Variants in ELAPOR2 observed in about 807,000 individuals in gnomAD.
The protein encoded by ELAPOR2 is endosome/lysosome-associated apoptosis and autophagy regulator family member 2.
In ELAPOR2, 89 loss-of-function variants were observed where a neutral mutation model predicts 120.7. The observed-to-expected ratio is 0.74, with a 90% CI of 0.62 to 0.88. The LOEUF (loss-of-function observed/expected upper bound fraction) is 0.88. Ranked by LOEUF, ELAPOR2 falls within the 40% of genes least tolerant of loss-of-function variation. The pLI is 0.00. For synonymous variants in ELAPOR2, 444 were observed against 444.9 expected, an observed-to-expected ratio of 1.00 and a Z score of 0.03; for missense variants, 1,134 against 1,251.6, an observed-to-expected ratio of 0.91 and a Z score of 1.42.
chr7:86,894,090 A>T (rs1788326036), intron 19 of ELAPOR2, among the ~76,000 whole-genome samples: 1 of 152,130 alleles, frequency 6.6e-6, no homozygotes, highest in Non-Finnish European at 1.5e-5. Context: ...AAATACACAA[A>T]CAATTTTGCA....
At chr7:87,029,600 T>G (rs1794362865) in intron 1 of ELAPOR2, among the ~76,000 whole-genome samples, 1 of 152,304 alleles carries the variant, frequency 6.6e-6, no homozygotes, top group Non-Finnish European at 1.5e-5. Flanking sequence ...AAACAAAGGT[T>G]GTAGGTAAGA....
intron 1 of ELAPOR2, among the ~76,000 whole-genome samples, chr7:86,965,374 A>G (rs144001423): frequency 8.6e-4 from 131 of 152,332 alleles, no homozygotes; most frequent in Non-Finnish European, 1.4e-3. Context: ...GCAAAATAAC[A>G]CTAGGAATTT....
At chr7:87,029,658 AGGTGTTAT>A (rs762186600) in intron 1 of ELAPOR2, among the ~76,000 whole-genome samples, 30 of 152,192 alleles carry the variant, frequency 2.0e-4, no homozygotes, top group Non-Finnish European at 4.3e-4. Flanking sequence ...GGTTTTCCAT[AGGTGTTAT>A]GGCAGGTGAT....
At chr7:86,901,272 C>T (rs993274194) in intron 18 of ELAPOR2, among the ~76,000 whole-genome samples, 1 of 152,126 alleles carries the variant, frequency 6.6e-6, no homozygotes, top group Non-Finnish European at 1.5e-5. Flanking sequence ...TCTGGGATTG[C>T]CTTATGAATC....
chr7:86,928,709 T>C (rs958909342), intron 8 of ELAPOR2, among the ~76,000 whole-genome samples: 1 of 151,928 alleles, frequency 6.6e-6, no homozygotes, highest in African/African-American at 2.4e-5. Context: ...AATATGCAAA[T>C]ATATTGTGAG....
chr7:87,044,922 ACAACCCCAT>A (rs1794901704), intron 1 of ELAPOR2, among the ~76,000 whole-genome samples: 1 of 147,824 alleles, frequency 6.8e-6, no homozygotes, highest in African/African-American at 2.6e-5. Context: ...AAAAAAACAA[ACAACCCCAT>A]CAAAAAGTGG....
intron 1 of ELAPOR2, among the ~76,000 whole-genome samples, chr7:87,025,823 G>T (rs1794224861): frequency 6.6e-6 from 1 of 151,858 alleles, no homozygotes; most frequent in African/African-American, 2.4e-5. Flanking sequence ...CAACATGTTA[G>T]ACATATGTTA....
intron 1 of ELAPOR2, among the ~76,000 whole-genome samples, chr7:87,015,002 G>GA (rs911911470): frequency 1.1e-4 from 16 of 148,158 alleles, no homozygotes; most frequent in Admixed American, 6.7e-4. Context: ...AAAGCTGGTA[G>GA]AAAAAAAAAG....
At position 86,913,060 on chromosome 7, in the gene ELAPOR2, A is replaced by G. The variant is rs1473085103; in HGVS notation, c.1876T>C (p.Tyr626His). 5.0e-6 allele frequency: 8 copies of G among 1,614,076 alleles called. No individual in the cohort carries two copies. The highest frequency in any genetic ancestry group is 6.8e-6 in the Non-Finnish European group (8 of 1,179,998). ...CACTGGTTGGTTTCTTTCTCAATGT[A>G]GTGGCCTGGAGGGCAGGGGACACAC... ...SSCVPCPPGH[Y>H]IEKETNQCKE... The change falls in exon 14 of 22, where the codon TAC (tyrosine) becomes CAC (histidine). Residue 626 changes from tyrosine to histidine, a missense_variant. This residue lies in a region of ELAPOR2 where 831 missense variants were observed against 867.6 expected (regional missense o/e 0.96). Transcript: ENST00000450689.
At chr7:87,051,531 A>G (rs753510023) in intron 1 of ELAPOR2, among the ~76,000 whole-genome samples, 7 of 152,244 alleles carry the variant, frequency 4.6e-5, no homozygotes, top group Non-Finnish European at 7.3e-5. Context: ...TTTCAAATGC[A>G]TTAGCTTGAT....
chr7:87,002,278 G>T (rs750673485), intron 1 of ELAPOR2, among the ~76,000 whole-genome samples: 3 of 152,158 alleles, frequency 2.0e-5, no homozygotes, highest in Non-Finnish European at 2.9e-5. Context: ...GGAGAAAGTG[G>T]CCTGATCTCT....
rs368345584 is a variant in ELAPOR2, at chr7:86,972,388, T to A, written c.190-7364A>T. On this transcript the variant is annotated intron_variant, in intron 1 of 21. Transcript: ENST00000450689. Reference sequence around the variant, plus strand: ...TTTGTTCTCAGGAATGCAACTTCCTTTTCATTAAAGGCTGCACCTCCCTGG... The same window carrying A: ...TTTGTTCTCAGGAATGCAACTTCCTATTCATTAAAGGCTGCACCTCCCTGG... 1.4e-4 allele frequency among the ~76,000 whole-genome samples: 22 copies of A among 152,214 alleles called. No homozygotes were observed. The South Asian group carries it at 4.6e-3, about 32-fold the overall frequency.
In ELAPOR2 at chr7:87,009,670, CAGA is replaced by C. The variant is rs563090656; in HGVS notation, c.190-44649_190-44647del. Among the ~76,000 whole-genome samples, 33 of 152,266 alleles carry C rather than the reference CAGA, an allele frequency of 2.2e-4. No homozygotes were observed. The East Asian group carries it at 6.4e-3, about 29-fold the overall frequency. On this transcript the variant is annotated intron_variant, in intron 1 of 21. Transcript: ENST00000450689. ...AATAAAGATCTGCACCAAAAGGAAGCAGAAGAAGACTGGTGTTTCCAAATCCTT... is the reference window on the plus strand; with the variant it reads ...AATAAAGATCTGCACCAAAAGGAAGCAGAAGACTGGTGTTTCCAAATCCTT...
At chr7:86,977,823 C>A (rs1306022587) in intron 1 of ELAPOR2, among the ~76,000 whole-genome samples, 1 of 152,154 alleles carries the variant, frequency 6.6e-6, no homozygotes, top group African/African-American at 2.4e-5. Context: ...AATCATTTTT[C>A]TAAGCACATT....
intron 18 of ELAPOR2, among the ~76,000 whole-genome samples, chr7:86,901,757 C>CT (rs1788736911): frequency 6.6e-6 from 1 of 152,144 alleles, no homozygotes; most frequent in Non-Finnish European, 1.5e-5. Flanking sequence ...GAGCTCCCCA[C>CT]GTTGGGGTAT....
chr7:86,879,567 C>T lies in ELAPOR2; in HGVS notation c.*904G>A, dbSNP rs1799303238. The T allele has an allele frequency of 6.6e-6, 1 of 152,130 alleles. No homozygotes were observed. The highest frequency in any genetic ancestry group is 2.4e-5 in the African/African-American group (1 of 41,438). 9.4% of individuals were successfully genotyped at this position (152,130 alleles called of 1,614,324 possible). ...TTTTCTGGAGACCATGAAATTACCC[C>T]AGTATTTCATACAGTCATCTGTACT... On this transcript the variant is annotated 3_prime_UTR_variant, in exon 22 of 22. Coordinates refer to ENST00000450689, the MANE Select transcript of ELAPOR2 (RefSeq NM_001142749.3).
At chr7:87,058,106 G>A (rs116550164) in intron 1 of ELAPOR2, among the ~76,000 whole-genome samples, 1,960 of 152,290 alleles carry the variant, frequency 0.013, 43 homozygotes, top group African/African-American at 0.042. Flanking sequence ...CTGTGTGTTC[G>A]CACACAAGCC....
chr7:86,909,720 A>T, intron 16 of ELAPOR2, 92 bp downstream of exon 16: 1 of 1,124,210 alleles, frequency 8.9e-7, no homozygotes, highest in Non-Finnish European at 1.2e-6. Context: ...GGCCTTAATC[A>T]TCTATAGCAA....
At chr7:87,019,954 A>G (rs1464906487) in intron 1 of ELAPOR2, among the ~76,000 whole-genome samples, 1 of 152,178 alleles carries the variant, frequency 6.6e-6, no homozygotes, top group Non-Finnish European at 1.5e-5. Context: ...GTTTTTCATT[A>G]AAAATTATTT....
Sources: gnomAD v4.1 joint callset for allele counts (sites outside exome capture counted in the v4.1 genomes callset) on GRCh38, gnomAD v4.1.1 for gene constraint, gnomAD v4.1.1 regional missense constraint, MANE v1.5 for transcripts, NCBI Gene and HGNC (gene_info 2026-07-23, HGNC 2026-07-21) for gene names.